Variants in GABRA5 observed in about 807,000 individuals in gnomAD.
GABRA5 encodes gamma-aminobutyric acid type A receptor subunit alpha5, also known as gamma-aminobutyric acid receptor subunit alpha-5.
In GABRA5, 18 loss-of-function variants were observed where a neutral mutation model predicts 47.3. The observed-to-expected ratio is 0.38, with a 90% CI of 0.26 to 0.56. GABRA5 has a LOEUF of 0.56. GABRA5 is among the 20% of genes least tolerant of loss of function. The pLI is 0.71. For synonymous variants in GABRA5, 237 were observed against 229.3 expected (o/e 1.03, Z -0.30); for missense variants, 365 against 599.3 (o/e 0.61, Z 4.08).
intron 4 of GABRA5, among the ~76,000 whole-genome samples, chr15:26,881,661 A>C (rs1468362231): frequency 6.6e-6 from 1 of 152,174 alleles, no homozygotes; most frequent in Non-Finnish European, 1.5e-5. Flanking sequence ...TTTCCAGTGA[A>C]TACATTCTTG....
intron 7 of GABRA5, among the ~76,000 whole-genome samples, chr15:26,931,653 G>C (rs1307144054): frequency 6.6e-6 from 1 of 152,136 alleles, no homozygotes; most frequent in Non-Finnish European, 1.5e-5. Context: ...TGGAAAATTG[G>C]GTTAAATACC....
intron 10 of GABRA5, 123 bp downstream of exon 10, chr15:26,943,549 C>A (rs760740167): frequency 4.1e-4 from 356 of 861,216 alleles, no homozygotes; most frequent in Admixed American, 7.5e-4. Context: ...TGCTCCTTTC[C>A]TCATATTCAA....
At position 26,931,290 on chromosome 15, in the gene GABRA5, C is replaced by T. The variant is rs12443167; in HGVS notation, c.581-5895C>T. Reference sequence around the variant, plus strand: ...TAACAGGAATGTATTTCTCACAGTTCTGCAGGCTGGGAAGTTCAAGACCAA... The same window carrying T: ...TAACAGGAATGTATTTCTCACAGTTTTGCAGGCTGGGAAGTTCAAGACCAA... On this transcript the variant is annotated intron_variant, in intron 7 of 10. Coordinates refer to ENST00000335625, the MANE Select transcript of GABRA5 (RefSeq NM_000810.4). 9.8e-3 allele frequency among the ~76,000 whole-genome samples: 1,486 copies of T among 152,290 alleles called. 105 individuals are homozygous for T. The East Asian group carries it at 0.18, about 18-fold the overall frequency.
intron 6 of GABRA5, among the ~76,000 whole-genome samples, chr15:26,889,455 T>C (rs1892953766): frequency 6.6e-6 from 1 of 152,170 alleles, no homozygotes; most frequent in African/African-American, 2.4e-5. Context: ...TCGTTCTTAT[T>C]TGAAAACGGC....
intron 10 of GABRA5, among the ~76,000 whole-genome samples, chr15:26,944,950 GGGTGTCGCCGA>G (rs1216546543): frequency 6.6e-6 from 1 of 152,168 alleles, no homozygotes; most frequent in Non-Finnish European, 1.5e-5. Context: ...TGTTCTTGTT[GGGTGTCGCCGA>G]CACTGTCAAT....
At chr15:26,888,848 G>T (rs888534922) in intron 6 of GABRA5, among the ~76,000 whole-genome samples, 3 of 152,162 alleles carry the variant, frequency 2.0e-5, no homozygotes, top group African/African-American at 7.2e-5. Context: ...TGGGCCCCTG[G>T]CAGGAGAGCA....
intron 6 of GABRA5, among the ~76,000 whole-genome samples, chr15:26,911,849 G>C (rs893844871): frequency 2.0e-5 from 3 of 152,188 alleles, no homozygotes; most frequent in Admixed American, 6.5e-5. Context: ...GAAACTGAGT[G>C]CCTGCCGGGG....
intron 7 of GABRA5, 66 bp from the exon 8 acceptor site, chr15:26,937,119 C>G (rs1894261372): frequency 6.4e-7 from 1 of 1,571,822 alleles, no homozygotes; most frequent in African/African-American, 1.4e-5. Flanking sequence ...TTAGTAAAAG[C>G]TTCTGTGTTT....
At chr15:26,947,771 G>A (rs552671849) in intron 10 of GABRA5, among the ~76,000 whole-genome samples, 163 bp from the exon 11 acceptor site, 1 of 152,310 alleles carries the variant, frequency 6.6e-6, no homozygotes, top group African/African-American at 2.4e-5. Context: ...TAGCTCTCAT[G>A]TGTGCCCTGT....
chr15:26,877,136 A>T (rs1454340106), intron 3 of GABRA5, among the ~76,000 whole-genome samples: 1 of 152,242 alleles, frequency 6.6e-6, no homozygotes, highest in Non-Finnish European at 1.5e-5. Context: ...GGAGAGTTCT[A>T]GCATGATGTT....
rs1892786888 is a variant in GABRA5, at chr15:26,883,379, G to C, written c.319G>C (p.Glu107Gln). The stretch of plus-strand genomic sequence containing the variant: ...GTTTTTCCGACAAAGCTGGAAAGAT[G>C]AAAGGCTTCGGTTTAAGGGGCCCAT... ...DVFFRQSWKD[E>Q]RLRFKGPMQR... Residue 107 changes from glutamate (E) to glutamine (Q), a missense_variant, in exon 6 of 11, where the codon GAA (glutamate) becomes CAA (glutamine). This residue lies in a region of GABRA5 where 216 missense variants were observed against 335.3 expected (regional missense o/e 0.64). Coordinates refer to ENST00000335625, the MANE Select transcript of GABRA5 (RefSeq NM_000810.4). The surrounding 1 kb of genome is among the most constrained non-coding windows in gnomAD (Gnocchi z 4.8). The C allele has an allele frequency of 6.2e-7, 1 of 1,614,008 alleles. No homozygotes were observed. Among genetic ancestry groups the C allele is most frequent in the Non-Finnish European group, 8.5e-7 (1 of 1,179,898 alleles).
intron 3 of GABRA5, among the ~76,000 whole-genome samples, chr15:26,878,037 G>A (rs1021395141): frequency 5.9e-5 from 9 of 152,206 alleles, no homozygotes; most frequent in African/African-American, 1.7e-4. Context: ...CAGAAGTGGC[G>A]CGTCGGCGAG....
At chr15:26,908,642 A>G (rs1395025173) in intron 6 of GABRA5, among the ~76,000 whole-genome samples, 2 of 152,202 alleles carry the variant, frequency 1.3e-5, no homozygotes, top group Admixed American at 6.5e-5. Context: ...TTTCTGTAGC[A>G]TCAATCTTTA....
At chr15:26,868,613 G>C (rs1892385352) in intron 1 of GABRA5, 116 bp from the exon 2 acceptor site, 1 of 152,448 alleles carries the variant, frequency 6.6e-6, no homozygotes, top group African/African-American at 2.4e-5. Flanking sequence ...CACGGGGACC[G>C]AATGCCGGGA....
At chr15:26,878,823 G>A (rs959998314) in intron 3 of GABRA5, among the ~76,000 whole-genome samples, 1 of 152,210 alleles carries the variant, frequency 6.6e-6, no homozygotes, top group Non-Finnish European at 1.5e-5. Context: ...CTTAAGCATA[G>A]CATTCTATTC....
chr15:26,920,309 C>T (rs1163402376), intron 7 of GABRA5, among the ~76,000 whole-genome samples: 3 of 151,700 alleles, frequency 2.0e-5, no homozygotes, highest in Non-Finnish European at 4.4e-5. Context: ...CATTCTTCTT[C>T]TTGCTCCTCT....
chr15:26,871,498 C>A (rs1892471141), intron 3 of GABRA5, among the ~76,000 whole-genome samples: 1 of 152,114 alleles, frequency 6.6e-6, no homozygotes, highest in South Asian at 2.1e-4. Flanking sequence ...AGTTTTTAAT[C>A]TTTTAGGTAT....
At chr15:26,899,100 C>T (rs534735766) in intron 6 of GABRA5, among the ~76,000 whole-genome samples, 1 of 152,106 alleles carries the variant, frequency 6.6e-6, no homozygotes, top group Admixed American at 6.6e-5. Flanking sequence ...TGGTTTCAAG[C>T]AATTCTCCTG....
At chr15:26,937,792 G>A (rs1382267199) in intron 8 of GABRA5, among the ~76,000 whole-genome samples, 2 of 152,206 alleles carry the variant, frequency 1.3e-5, no homozygotes, top group Non-Finnish European at 2.9e-5. Context: ...GGGCTGGCCT[G>A]AGCCCTGCAG....
Sources: gnomAD v4.1 joint callset for allele counts (sites outside exome capture counted in the v4.1 genomes callset) on GRCh38, gnomAD v4.1.1 for gene constraint, gnomAD v4.1.1 regional missense constraint, Gnocchi (gnomAD v3.1) non-coding constraint, MANE v1.5 for transcripts, NCBI Gene and HGNC (gene_info 2026-07-23, HGNC 2026-07-21) for gene names.